FBLN7: variants seen among roughly 807,000 people sequenced by gnomAD.
The protein encoded by FBLN7 is fibulin-7.
In FBLN7, 31 loss-of-function variants were observed where a neutral mutation model predicts 44.0. That is an observed-to-expected ratio of 0.70 (90% CI 0.53 to 0.95). FBLN7 has a LOEUF of 0.95. Among genes scored for constraint, FBLN7 ranks in the 40% least tolerant of loss-of-function variants. The pLI, the probability that FBLN7 is intolerant of heterozygous loss-of-function variation, is 0.00. For missense variants in FBLN7, 573 were observed against 618.5 expected, an observed-to-expected ratio of 0.93 and a Z score of 0.78; for synonymous variants, 262 against 253.4, an observed-to-expected ratio of 1.03 and a Z score of -0.32.
chr2:112,197,264 CACACACACACAGAG>C, the FBLN7 span, among the ~76,000 whole-genome samples: 27 of 129,902 alleles, frequency 2.1e-4, no homozygotes, highest in Admixed American at 3.1e-4. Flanking sequence ...CACACACACA[CACACACACACAGAG>C]AGAGAGAGAG....
At chr2:112,167,869 C>CGTTATGTTATGTTATGTTAT (rs137969881) in intron 3 of FBLN7, among the ~76,000 whole-genome samples, 11,086 of 132,554 alleles carry the variant, frequency 0.084, 625 homozygotes, top group South Asian at 0.11. Context: ...AGGAAAGACA[C>CGTTATGTTATGTTATGTTAT]GTTATGTTAT....
chr2:112,186,785 C>A (rs1375421434), intron 7 of FBLN7, among the ~76,000 whole-genome samples: 1 of 152,222 alleles, frequency 6.6e-6, no homozygotes, highest in Non-Finnish European at 1.5e-5. Context: ...GAAAGGGCAC[C>A]TGGTTTGAAT....
the FBLN7 span, among the ~76,000 whole-genome samples, chr2:112,244,289 A>G: frequency 6.6e-6 from 1 of 152,178 alleles, no homozygotes; most frequent in Admixed American, 6.5e-5. Flanking sequence ...ATTTCAGCCA[A>G]ACTATCAACA....
At chr2:112,228,451 G>A in the FBLN7 span, among the ~76,000 whole-genome samples, 7 of 150,942 alleles carry the variant, frequency 4.6e-5, no homozygotes, top group Admixed American at 3.3e-4. Flanking sequence ...GCAGTGAGCC[G>A]AGACTGCACC....
chr2:112,144,716 G>C (rs932725325), intron 1 of FBLN7, among the ~76,000 whole-genome samples: 1 of 151,848 alleles, frequency 6.6e-6, no homozygotes, highest in Non-Finnish European at 1.5e-5. Context: ...TAGTAGAGAC[G>C]GGGTTTCACC....
the FBLN7 span, among the ~76,000 whole-genome samples, chr2:112,237,686 G>A: frequency 1.3e-5 from 2 of 151,028 alleles, no homozygotes; most frequent in East Asian, 1.9e-4. Context: ...AGTGATTCTC[G>A]TGCCTCAGCC....
At chr2:112,199,270 C>T in the FBLN7 span, among the ~76,000 whole-genome samples, 8 of 152,116 alleles carry the variant, frequency 5.3e-5, no homozygotes, top group Admixed American at 2.0e-4. Flanking sequence ...GACAGTTGTA[C>T]GGTGGGCAGA....
the FBLN7 span, chr2:112,238,649 G>A: frequency 1.4e-6 from 1 of 714,988 alleles, no homozygotes; most frequent in South Asian, 2.0e-5. Context: ...ATAGGTACAT[G>A]GGATTCATAT....
chr2:112,216,573 C>T, the FBLN7 span: 3 of 151,684 alleles, frequency 2.0e-5, no homozygotes, highest in Non-Finnish European at 4.4e-5. Flanking sequence ...CAACAAAAAA[C>T]ATATAGCTGA....
At chr2:112,167,521 C>T (rs1682220864) in intron 3 of FBLN7, among the ~76,000 whole-genome samples, 1 of 152,172 alleles carries the variant, frequency 6.6e-6, no homozygotes, top group African/African-American at 2.4e-5. Flanking sequence ...AAAGAGGGTC[C>T]TGCCGTGTCC....
chr2:112,175,391 C>T (rs1682688320), intron 3 of FBLN7, among the ~76,000 whole-genome samples: 1 of 152,270 alleles, frequency 6.6e-6, no homozygotes, highest in South Asian at 2.1e-4. Context: ...GTCTACACTG[C>T]ACCTTTGCAA....
At chr2:112,204,737 T>C in the FBLN7 span, among the ~76,000 whole-genome samples, 2 of 152,096 alleles carry the variant, frequency 1.3e-5, no homozygotes, top group Non-Finnish European at 2.9e-5. Context: ...AACTTAGGCA[T>C]TCTCAAATAC....
At chr2:112,184,757 A>G (rs966119500) in intron 6 of FBLN7, among the ~76,000 whole-genome samples, 2 of 111,068 alleles carry the variant, frequency 1.8e-5, no homozygotes, top group East Asian at 2.5e-4. Flanking sequence ...CACACACCAT[A>G]TATACCATAT....
chr2:112,243,684 C>G, the FBLN7 span, among the ~76,000 whole-genome samples: 1 of 152,128 alleles, frequency 6.6e-6, no homozygotes, highest in Admixed American at 6.6e-5. Flanking sequence ...TGTTTTCTCT[C>G]CTTCATTATA....
chr2:112,220,363 A>T, the FBLN7 span, among the ~76,000 whole-genome samples: 3 of 152,170 alleles, frequency 2.0e-5, no homozygotes, highest in African/African-American at 7.2e-5. Flanking sequence ...AAATTCCCTT[A>T]GCCTTTGCTT....
In FBLN7 at chr2:112,138,572, G is replaced by C; in HGVS notation, c.-84G>C. ...CGCGCGGCGCCCCGCACCCTGCAGGGACGGCTGCCGCATCGCTGGGACAAA... is the reference window on the plus strand; with the variant it reads ...CGCGCGGCGCCCCGCACCCTGCAGGCACGGCTGCCGCATCGCTGGGACAAA... On this transcript the variant is annotated 5_prime_UTR_variant, in exon 1 of 8. Coordinates refer to ENST00000331203, the MANE Select transcript of FBLN7 (RefSeq NM_153214.3). 1.2e-6 allele frequency: 2 copies of C among 1,604,206 alleles called. No individual in the cohort carries two copies. The highest frequency in any genetic ancestry group is 2.2e-5 in the South Asian group (2 of 90,664).
downstream of FBLN7, chr2:112,189,555 C>T (rs1683416351): frequency 6.6e-6 from 1 of 152,210 alleles, no homozygotes; most frequent in Non-Finnish European, 1.5e-5. Context: ...CCACTCTGTA[C>T]TAAGAGTAAC....
intron 1 of FBLN7, among the ~76,000 whole-genome samples, chr2:112,158,472 G>T (rs1681551244): frequency 6.6e-6 from 1 of 151,882 alleles, no homozygotes; most frequent in East Asian, 1.9e-4. Flanking sequence ...GTCTTGCTCT[G>T]TTGCCCAGCC....
chr2:112,159,249 A>G (rs750205865), intron 1 of FBLN7, among the ~76,000 whole-genome samples: 2 of 150,260 alleles, frequency 1.3e-5, no homozygotes, highest in Non-Finnish European at 3.0e-5. Flanking sequence ...ACCATTGGGC[A>G]TTCCTGTTTT....
Sources: gnomAD v4.1 joint callset for allele counts (sites outside exome capture counted in the v4.1 genomes callset) on GRCh38, gnomAD v4.1.1 for gene constraint, MANE v1.5 for transcripts, NCBI Gene and HGNC (gene_info 2026-07-23, HGNC 2026-07-21) for gene names.